The following NPFFR1 variants were observed in gnomAD, a reference collection of about 807,000 sequenced individuals.
The protein encoded by NPFFR1 is neuropeptide FF receptor 1, also known as G-protein coupled receptor 147.
In NPFFR1, 17 loss-of-function variants were observed where a neutral mutation model predicts 12.7. That is an observed-to-expected ratio of 1.34 (90% CI 0.92 to 2.01). The LOEUF is 2.01. NPFFR1 is among the 30% of genes most tolerant of loss of function. NPFFR1 has a pLI of 0.00. For missense variants in NPFFR1, 604 were observed against 606.5 expected, an observed-to-expected ratio of 1.00 and a Z score of 0.04; for synonymous variants, 296 against 264.5, an observed-to-expected ratio of 1.12 and a Z score of -1.16.
chr10:70,270,333 A>G (rs534243883), intron 1 of NPFFR1, among the ~76,000 whole-genome samples: 9 of 152,296 alleles, frequency 5.9e-5, no homozygotes, highest in African/African-American at 2.2e-4. Flanking sequence ...CATGAGAGGC[A>G]TCACTCATCC....
rs751728464 is a variant in NPFFR1, at chr10:70,255,215, G to T, written c.1035C>A (p.Arg345=). 5 of 1,549,672 alleles carry T rather than the reference G, an allele frequency of 3.2e-6. No individual in the cohort carries two copies. The highest frequency in any genetic ancestry group is 4.3e-6 in the Non-Finnish European group (5 of 1,151,628). Residue 345 remains arginine (R), a synonymous_variant, in exon 4 of 4, where the codon CGC becomes CGA. Transcript: ENST00000277942. The surrounding 1 kb of genome is among the most constrained non-coding windows in gnomAD (Gnocchi z 4.2). The part of the protein sequence containing the change: ...NFRRGFQAAF[R]ARLCPRPSGS... Reference sequence around the variant, plus strand: ...CCGACGGGCGCGGGCAGAGGCGGGCGCGGAAGGCGGCCTGGAAGCCGCGGC... The same window carrying T: ...CCGACGGGCGCGGGCAGAGGCGGGCTCGGAAGGCGGCCTGGAAGCCGCGGC...
At chr10:70,271,125 A>G (rs150130241) in intron 1 of NPFFR1, among the ~76,000 whole-genome samples, 2 of 152,184 alleles carry the variant, frequency 1.3e-5, no homozygotes, top group Non-Finnish European at 2.9e-5. Context: ...GCCTTGAACT[A>G]AAGACACCTC....
intron 3 of NPFFR1, among the ~76,000 whole-genome samples, chr10:70,258,784 T>C (rs1840603230): frequency 6.6e-6 from 1 of 152,206 alleles, no homozygotes; most frequent in East Asian, 1.9e-4. Flanking sequence ...GGGGGTCTTA[T>C]GGTCACATGG....
rs571136319 is a variant in NPFFR1 at position 70,283,877 on chromosome 10, C to T, written c.-201G>A. 1.6e-4 allele frequency among the ~76,000 whole-genome samples: 25 copies of T among 152,232 alleles called. No homozygotes were observed. The highest frequency in any genetic ancestry group is 3.4e-4 in the Non-Finnish European group (23 of 67,978). On this transcript the variant is annotated 5_prime_UTR_variant, in exon 1 of 4. Transcript: ENST00000277942. ...GCCCCGGGCCCTGGCCGGTTTCCCT[C>T]CCCTCGGGCTGACTGGCTCCCGCGC...
At position 70,263,193 on chromosome 10, in the gene NPFFR1, A is replaced by AC. The variant is rs566481589; in HGVS notation, c.323-2455_323-2454insG. On this transcript the variant is annotated intron_variant, in intron 2 of 3. Transcript: ENST00000277942. ...TTAAAAAGCAACAACAACAACAACA[A>AC]AAAAGCCCCTGTGGAACTATACACT... Among the ~76,000 whole-genome samples, 66 of 152,260 alleles carry AC rather than the reference A, an allele frequency of 4.3e-4. 1 individual carries two copies. In the East Asian group the frequency reaches 0.012, roughly 27 times the overall value.
At chr10:70,265,525 G>A (rs1026066029) in intron 2 of NPFFR1, among the ~76,000 whole-genome samples, 1 of 152,138 alleles carries the variant, frequency 6.6e-6, no homozygotes, top group South Asian at 2.1e-4. Flanking sequence ...TTACTTACAG[G>A]CAGGACTCTC....
chr10:70,256,302 A>T (rs1298519023), intron 3 of NPFFR1, among the ~76,000 whole-genome samples: 1 of 152,092 alleles, frequency 6.6e-6, no homozygotes, highest in Non-Finnish European at 1.5e-5. Flanking sequence ...GGCTAGTCTC[A>T]AAGTCTTGGG....
In NPFFR1 at chr10:70,255,813, A is replaced by G. The variant is rs1436620367; in HGVS notation, c.437T>C (p.Val146Ala). Residue 146 changes from valine to alanine, a missense_variant, in exon 4 of 4, where the codon GTG becomes GCG. By Grantham distance (64) the Val-to-Ala change is moderately conservative. Transcript: ENST00000277942. This position sits in a 1 kb window ranked among gnomAD's most constrained non-coding sequence, Gnocchi z 4.2. ...AIAVERFRCI[V>A]HPFREKLTLR... The stretch of plus-strand genomic sequence containing the variant: ...GGTCAGCTTCTCGCGGAAAGGGTGC[A>G]CGATGCAGCGGAACCTGCCGCGGGG... 1.2e-6 allele frequency: 2 copies of G among 1,608,570 alleles called. No homozygotes were observed. Among genetic ancestry groups the G allele is most frequent in the African/African-American group, 2.7e-5 (2 of 74,796 alleles).
At chr10:70,261,546 T>C (rs1238121801) in intron 2 of NPFFR1, among the ~76,000 whole-genome samples, 1 of 152,112 alleles carries the variant, frequency 6.6e-6, no homozygotes, top group Non-Finnish European at 1.5e-5. Context: ...ACAGTATTAG[T>C]GAGATTTTCT....
At chr10:70,274,404 G>A (rs568156478) in intron 1 of NPFFR1, among the ~76,000 whole-genome samples, 24 of 151,464 alleles carry the variant, frequency 1.6e-4, no homozygotes, top group South Asian at 1.5e-3. Context: ...AGCTGAGATC[G>A]CACCACAGCA....
intron 2 of NPFFR1, among the ~76,000 whole-genome samples, chr10:70,261,526 TC>T: frequency 6.6e-6 from 1 of 152,208 alleles, no homozygotes; most frequent in East Asian, 1.9e-4. Context: ...CCCATGTTGT[TC>T]AAGGGTCAAC....
Position 70,259,600 on chromosome 10 carries a change from G to T in NPFFR1, c.422+1040C>A, listed in dbSNP as rs570785173. ...TAGAACCCACTTCATTACTCCAGCTGCCTACTTCACTGAGTTACAAAAAAC... is the reference window on the plus strand; with the variant it reads ...TAGAACCCACTTCATTACTCCAGCTTCCTACTTCACTGAGTTACAAAAAAC... On this transcript the variant is annotated intron_variant, in intron 3 of 3. Transcript: ENST00000277942. Among the ~76,000 whole-genome samples the T allele has an allele frequency of 6.6e-5, 10 of 152,286 alleles. No individual in the cohort carries two copies. The South Asian group carries it at 2.1e-3, about 32-fold the overall frequency.
intron 1 of NPFFR1, among the ~76,000 whole-genome samples, chr10:70,267,197 A>C (rs1840702994): frequency 6.6e-6 from 1 of 152,136 alleles, no homozygotes; most frequent in African/African-American, 2.4e-5. Flanking sequence ...AGAAAGGGAG[A>C]ATGAAGGGGA....
At chr10:70,278,028 C>T in intron 1 of NPFFR1, 1 of 515,710 alleles carries the variant, frequency 1.9e-6, no homozygotes, top group Non-Finnish European at 3.9e-6. Context: ...AGTCATGAGA[C>T]CTGTCAGCCT....
intron 2 of NPFFR1, among the ~76,000 whole-genome samples, chr10:70,265,761 C>G (rs189076253): frequency 4.6e-5 from 7 of 152,340 alleles, no homozygotes; most frequent in Non-Finnish European, 8.8e-5. Flanking sequence ...TTCTTAACCA[C>G]TCCGAGCATG....
In NPFFR1 at chr10:70,255,417, A is replaced by G. The variant is rs1840554945; in HGVS notation, c.833T>C (p.Phe278Ser). 6.5e-7 allele frequency: 1 copy of G among 1,546,478 alleles called. No homozygotes were observed. The change falls in exon 4 of 4, where the codon TTC becomes TCC. Residue 278 changes from phenylalanine to serine, a missense_variant. Transcript: ENST00000277942. This position sits in a 1 kb window ranked among gnomAD's most constrained non-coding sequence, Gnocchi z 4.2. ...GAGCGGCAGCCAGGACAGCGTGAAG[A>G]ACAGCGCCACCATGACCAGCATGTG... is the stretch of plus-strand genomic sequence containing the variant. ...VVHMLVMVAL[F>S]FTLSWLPLWA... is the part of the protein sequence containing the mutation.
In NPFFR1 at chr10:70,255,914, T is replaced by C; in HGVS notation, c.423-87A>G. ...GTGGGTGGGATGCGGGCACCTGACCTTCATCATCGCATCTAGGGCGGCGTC... is the reference window on the plus strand; with the variant it reads ...GTGGGTGGGATGCGGGCACCTGACCCTCATCATCGCATCTAGGGCGGCGTC... On this transcript the variant is annotated intron_variant, in intron 3 of 3. Transcript: ENST00000277942. This position sits in a 1 kb window ranked among gnomAD's most constrained non-coding sequence, Gnocchi z 4.2. 2.1e-6 allele frequency: 3 copies of C among 1,402,836 alleles called. No homozygotes were observed. The South Asian group carries it at 4.1e-5, about 19-fold the overall frequency. 86.9% of individuals were successfully genotyped at this position (1,402,836 alleles called of 1,614,324 possible).
Position 70,272,251 on chromosome 10 carries a change from G to GAAAGAAAGAAAGA in NPFFR1, c.8-5861_8-5860insTCTTTCTTTCTTT, listed in dbSNP as rs11447906. On this transcript the variant is annotated intron_variant, in intron 1 of 3. Coordinates refer to ENST00000277942, the MANE Select transcript of NPFFR1 (RefSeq NM_022146.5). ...AAGAAAGAAAGAAAGAAAGAAGAAA[G>GAAAGAAAGAAAGA]AAGAAAGAAAATAATAGAAAGAAAA... Among the ~76,000 whole-genome samples, 428 of 45,532 alleles carry GAAAGAAAGAAAGA rather than the reference G, an allele frequency of 9.4e-3. 1 individual carries two copies. Among genetic ancestry groups the GAAAGAAAGAAAGA allele is most frequent in the Middle Eastern group, 0.042 (5 of 118 alleles). 29.9% of individuals were successfully genotyped at this position (45,532 alleles called of 152,430 possible). A position where few individuals can be genotyped will look rare whatever the true frequency, so the allele number is the denominator to read the frequency against.
rs1180278048 is a variant in NPFFR1, at chr10:70,249,895, TTTC to T, written c.*5059_*5061del. 1.3e-5 allele frequency: 2 copies of T among 150,876 alleles called. No homozygotes were observed. Among genetic ancestry groups the T allele is most frequent in the African/African-American group, 2.5e-5 (1 of 40,762 alleles). The allele number at this position is 150,876 out of a possible 1,614,324, so 9.3% of individuals were successfully genotyped here. On this transcript the variant is annotated 3_prime_UTR_variant, in exon 4 of 4. Transcript: ENST00000277942. Reference sequence around the variant, plus strand: ...TCACTAGTCATCAGGGAAATTTTCTTTTCTTCTTTCTTTCTTTCTTTTTTTTTT... The same window carrying T: ...TCACTAGTCATCAGGGAAATTTTCTTTTCTTTCTTTCTTTCTTTTTTTTTT...
Sources: allele counts gnomAD v4.1 joint callset (sites outside exome capture counted in the v4.1 genomes callset), GRCh38; gene constraint gnomAD v4.1.1; non-coding constraint Gnocchi (gnomAD v3.1); transcripts MANE v1.5; gene names NCBI Gene and HGNC (gene_info 2026-07-23, HGNC 2026-07-21).